DPF3: variants seen among roughly 807,000 people sequenced by gnomAD.
DPF3 encodes zinc finger protein DPF3.
Under a neutral mutation model 56.8 loss-of-function variants are expected in DPF3, and 18 were observed. The observed-to-expected ratio is 0.32, with a 90% CI of 0.22 to 0.47. DPF3 has a LOEUF of 0.47. Among genes scored for constraint, DPF3 ranks in the 20% least tolerant of loss-of-function variants. The pLI, the probability that DPF3 is intolerant of heterozygous loss-of-function variation, is 1.00. For synonymous variants in DPF3, 188 were observed against 180.2 expected (o/e 1.04, Z -0.35); for missense variants, 403 against 488.8 (o/e 0.82, Z 1.65).
At chr14:72,698,193 C>T (rs1279731726) in intron 6 of DPF3, among the ~76,000 whole-genome samples, 1 of 152,216 alleles carries the variant, frequency 6.6e-6, no homozygotes, top group Non-Finnish European at 1.5e-5. Flanking sequence ...AATGCTTTGA[C>T]TTTTGATTTT....
At chr14:72,824,834 A>T (rs1274183909) in intron 1 of DPF3, among the ~76,000 whole-genome samples, 1 of 151,206 alleles carries the variant, frequency 6.6e-6, no homozygotes, top group Non-Finnish European at 1.5e-5. Flanking sequence ...AGCCTCCCAA[A>T]GTGCTGGGAT....
At chr14:72,845,392 C>T (rs181219028) in intron 1 of DPF3, among the ~76,000 whole-genome samples, 111 of 152,258 alleles carry the variant, frequency 7.3e-4, no homozygotes, top group African/African-American at 2.5e-3. Context: ...GCTGAAGTTA[C>T]GAAAGGCAGG....
intron 4 of DPF3, chr14:72,724,151 T>C (rs1490930794): frequency 6.3e-6 from 1 of 157,672 alleles, no homozygotes; most frequent in Non-Finnish European, 1.4e-5. Flanking sequence ...CTGCCCTGTC[T>C]GATGAAAGCA....
chr14:72,721,935 ATG>A (rs1353796006), intron 5 of DPF3, among the ~76,000 whole-genome samples: 1 of 152,154 alleles, frequency 6.6e-6, no homozygotes, highest in Non-Finnish European at 1.5e-5. Context: ...AGAAAAAAAA[ATG>A]TGTGTGGTGG....
chr14:72,693,272 C>T (rs1887774197), intron 6 of DPF3, 59 bp from the exon 7 acceptor site: 8 of 1,560,022 alleles, frequency 5.1e-6, no homozygotes, highest in Non-Finnish European at 6.1e-6. Flanking sequence ...TGTGCAGCCA[C>T]CGCTATCATT....
At position 72,614,203 on chromosome 14, in the gene DPF3, C is replaced by T. The variant is rs956289594; in HGVS notation, c.*5094G>A. 2.0e-5 allele frequency among the ~76,000 whole-genome samples: 3 copies of T among 152,204 alleles called. No homozygotes were observed. The highest frequency in any genetic ancestry group is 7.2e-5 in the African/African-American group (3 of 41,450). On this transcript the variant is annotated 3_prime_UTR_variant, in exon 11 of 11. Transcript: ENST00000556509. Reference sequence around the variant, plus strand: ...TCAGAAATGGGGGAGGGAGCCCCAACCCCCAGACAGCTATGGAGCCCACCT... The same window carrying T: ...TCAGAAATGGGGGAGGGAGCCCCAATCCCCAGACAGCTATGGAGCCCACCT...
intron 2 of DPF3, 67 bp downstream of exon 2, chr14:72,771,666 C>G: frequency 1.3e-6 from 2 of 1,533,794 alleles, no homozygotes; most frequent in Non-Finnish European, 1.8e-6. Flanking sequence ...CCCAGACAAG[C>G]TGCGGTCCTC....
At chr14:72,674,105 G>A in intron 8 of DPF3, 135 bp downstream of exon 8, 1 of 1,301,030 alleles carries the variant, frequency 7.7e-7, no homozygotes, top group Non-Finnish European at 1.0e-6. Flanking sequence ...AGAATGAGCT[G>A]AAAACTCCTC....
chr14:72,884,006 C>T (rs1886420118), intron 1 of DPF3, among the ~76,000 whole-genome samples: 1 of 152,000 alleles, frequency 6.6e-6, no homozygotes, highest in Non-Finnish European at 1.5e-5. Context: ...TCTCCTTATT[C>T]ACAAGCAGAT....
chr14:72,736,299 G>A (rs764781363), intron 3 of DPF3, among the ~76,000 whole-genome samples: 15 of 152,100 alleles, frequency 9.9e-5, no homozygotes, highest in Non-Finnish European at 1.8e-4. Context: ...CATTTAGAGC[G>A]TATCTCAATT....
In DPF3 at chr14:72,640,046, T is replaced by TAAAAAAAAAAAAAAAAAAAAA. The variant is rs370070354; in HGVS notation, c.872-10331_872-10311dup. On this transcript the variant is annotated intron_variant, in intron 8 of 10. Coordinates refer to ENST00000556509, the MANE Select transcript of DPF3 (RefSeq NM_001280542.3). ...AAAGGATAAATAGGAGTTTTCTAAG[T>TAAAAAAAAAAAAAAAAAAAAA]AAAAAAAAAAAAAAAAAAAAAAAAA... Among the ~76,000 whole-genome samples the TAAAAAAAAAAAAAAAAAAAAA allele has an allele frequency of 8.4e-4, 38 of 45,260 alleles. 1 individual carries two copies. Among genetic ancestry groups the TAAAAAAAAAAAAAAAAAAAAA allele is most frequent in the Non-Finnish European group, 1.1e-3 (27 of 25,156 alleles). 29.7% of individuals were successfully genotyped at this position (45,260 alleles called of 152,430 possible).
At chr14:72,789,059 C>G (rs373835105) in intron 1 of DPF3, among the ~76,000 whole-genome samples, 1 of 152,190 alleles carries the variant, frequency 6.6e-6, no homozygotes, top group East Asian at 1.9e-4. Flanking sequence ...GCTACTTATT[C>G]GAAAACCATC....
chr14:72,729,874 C>T (rs1315585969), intron 4 of DPF3, among the ~76,000 whole-genome samples: 1 of 152,004 alleles, frequency 6.6e-6, no homozygotes, highest in African/African-American at 2.4e-5. Flanking sequence ...TTGTTCAAAC[C>T]CATTGAATGC....
At chr14:72,624,333 C>CTTT (rs55820708) in intron 9 of DPF3, among the ~76,000 whole-genome samples, 27,841 of 97,616 alleles carry the variant, frequency 0.29, 4,764 homozygotes, top group Non-Finnish European at 0.41. Context: ...ACCTATGTCT[C>CTTT]TTTTTTTTTT....
At chr14:72,879,127 T>C (rs1886227058) in intron 1 of DPF3, among the ~76,000 whole-genome samples, 1 of 152,204 alleles carries the variant, frequency 6.6e-6, no homozygotes, top group African/African-American at 2.4e-5. Context: ...CTCATGCCTG[T>C]AATCCCAGCA....
intron 6 of DPF3, among the ~76,000 whole-genome samples, chr14:72,705,939 G>GA (rs1157711155): frequency 3.3e-5 from 5 of 150,404 alleles, no homozygotes; most frequent in Admixed American, 1.3e-4. Context: ...ATGAGAGAGA[G>GA]AAAAAAAAAG....
intron 1 of DPF3, among the ~76,000 whole-genome samples, chr14:72,774,262 TAAAAAAAAAAAAAA>T (rs777564213): frequency 4.9e-5 from 3 of 61,008 alleles, no homozygotes; most frequent in African/African-American, 1.3e-4. Flanking sequence ...AGACTCTGTC[TAAAAAAAAAAAAAA>T]AAAAAAAAAA....
chr14:72,861,084 T>C, intron 1 of DPF3, among the ~76,000 whole-genome samples: 1 of 147,794 alleles, frequency 6.8e-6, no homozygotes, highest in Admixed American at 6.7e-5. Context: ...CATACACACT[T>C]CCTTTCTCTC....
rs559977007 is a variant in DPF3 at position 72,658,228 on chromosome 14, C to T, written c.871+16012G>A. Among the ~76,000 whole-genome samples the T allele has an allele frequency of 2.0e-5, 3 of 152,308 alleles. No homozygotes were observed. In the East Asian group the frequency reaches 5.8e-4, roughly 29 times the overall value. On this transcript the variant is annotated intron_variant, in intron 8 of 10. Coordinates refer to ENST00000556509, the MANE Select transcript of DPF3 (RefSeq NM_001280542.3). ...CATTCTTTATGAGTGCTTATGTTCA[C>T]ATTGCATGCCTGTATCGAAACATCT...
Sources: gnomAD v4.1 joint callset for allele counts (sites outside exome capture counted in the v4.1 genomes callset) on GRCh38, gnomAD v4.1.1 for gene constraint, MANE v1.5 for transcripts, NCBI Gene and HGNC (gene_info 2026-07-23, HGNC 2026-07-21) for gene names.